The following GAS7 variants were observed in gnomAD, a reference collection of about 807,000 sequenced individuals.
GAS7 encodes growth arrest-specific protein 7.
Under a neutral mutation model 71.1 loss-of-function variants are expected in GAS7, and 28 were observed. The ratio of observed to expected loss-of-function variants is 0.39; its 90% CI spans 0.29 to 0.54. The LOEUF is 0.54. Among genes scored for constraint, GAS7 ranks in the 20% least tolerant of loss-of-function variants. The pLI, the probability that GAS7 is intolerant of heterozygous loss-of-function variation, is 0.62. For missense variants in GAS7, 436 were observed against 627.8 expected (o/e 0.69, Z 3.27); for synonymous variants, 258 against 245.8 (o/e 1.05, Z -0.46).
chr17:10,077,020 TA>T (rs2073402160), intron 1 of GAS7, among the ~76,000 whole-genome samples: 1 of 152,222 alleles, frequency 6.6e-6, no homozygotes, highest in South Asian at 2.1e-4. Context: ...TCACTCTATC[TA>T]AAAAGTATAA....
chr17:10,045,416 G>GC (rs1473822209), intron 1 of GAS7, among the ~76,000 whole-genome samples: 1 of 152,136 alleles, frequency 6.6e-6, no homozygotes, highest in Non-Finnish European at 1.5e-5. Context: ...CCTAGTATTG[G>GC]CCGGGTGTGG....
At chr17:10,033,425 T>C (rs562586990) in intron 1 of GAS7, among the ~76,000 whole-genome samples, 1 of 152,308 alleles carries the variant, frequency 6.6e-6, no homozygotes, top group East Asian at 1.9e-4. Context: ...TTTTGGGCAC[T>C]TTCTAGACTT....
At chr17:10,127,339 C>A (rs1291964020) in intron 1 of GAS7, among the ~76,000 whole-genome samples, 1 of 152,138 alleles carries the variant, frequency 6.6e-6, no homozygotes, top group Non-Finnish European at 1.5e-5. Context: ...TTTTGCACAG[C>A]CTGCTGTGTA....
intron 1 of GAS7, among the ~76,000 whole-genome samples, chr17:10,163,443 A>T (rs951774991): frequency 1.7e-4 from 25 of 147,440 alleles, no homozygotes; most frequent in South Asian, 4.2e-4. Context: ...TTTTAATTTA[A>T]AAAAAAAAAA....
intron 1 of GAS7, among the ~76,000 whole-genome samples, chr17:10,169,689 C>T (rs1445602285): frequency 1.3e-5 from 2 of 152,098 alleles, no homozygotes; most frequent in Non-Finnish European, 2.9e-5. Flanking sequence ...ATTTGGGGTG[C>T]CTCCAGGCCC....
chr17:10,025,337 C>G (rs1158379745), intron 1 of GAS7, among the ~76,000 whole-genome samples: 1 of 152,024 alleles, frequency 6.6e-6, no homozygotes, highest in East Asian at 1.9e-4. Flanking sequence ...CCAGCTACAC[C>G]TACTCAGCTC....
chr17:9,943,053 G>C (rs539789446), intron 7 of GAS7, 68 bp downstream of exon 7: 1 of 984,680 alleles, frequency 1.0e-6, no homozygotes, highest in Non-Finnish European at 1.6e-6. Flanking sequence ...CTGTCGCCCC[G>C]CCCCGGCCAC....
At chr17:10,060,017 TCCCC>T (rs1175884057) in intron 1 of GAS7, among the ~76,000 whole-genome samples, 1 of 152,048 alleles carries the variant, frequency 6.6e-6, no homozygotes, top group Non-Finnish European at 1.5e-5. Context: ...AACCTCCACC[TCCCC>T]ATTAGGTCAC....
At position 10,048,119 on chromosome 17, in the gene GAS7, T is replaced by C. The variant is rs149112359; in HGVS notation, c.184-28222A>G. Among the ~76,000 whole-genome samples the C allele has an allele frequency of 5.3e-3, 801 of 152,254 alleles. 21 individuals carry two copies. The East Asian group carries it at 0.1, about 19-fold the overall frequency. On this transcript the variant is annotated intron_variant, in intron 1 of 13. Coordinates refer to ENST00000432992, the MANE Select transcript of GAS7 (RefSeq NM_201433.2). ...GAGTTCAAGGCTAGCCTGGTGAACA[T>C]GGTGAAACCCTGTCTCTACTAAAAA...
chr17:10,196,796 G>A (rs542092624), intron 1 of GAS7, among the ~76,000 whole-genome samples: 4 of 152,300 alleles, frequency 2.6e-5, no homozygotes, highest in South Asian at 2.1e-4. Flanking sequence ...CTAGAAACAA[G>A]GAGGCCCCTT....
intron 11 of GAS7, among the ~76,000 whole-genome samples, chr17:9,925,250 C>A (rs1018518681): frequency 6.6e-6 from 1 of 152,212 alleles, no homozygotes; most frequent in Admixed American, 6.5e-5. Context: ...CAGAACTAGC[C>A]CGGCCTGTGT....
chr17:10,058,251 T>TAAAAAA (rs1296714039), intron 1 of GAS7, among the ~76,000 whole-genome samples: 2 of 151,514 alleles, frequency 1.3e-5, no homozygotes, highest in African/African-American at 4.9e-5. Flanking sequence ...CAATAAATAC[T>TAAAAAA]AAAAACAAAA....
intron 1 of GAS7, among the ~76,000 whole-genome samples, chr17:10,139,509 G>A (rs1335863189): frequency 6.6e-6 from 1 of 152,148 alleles, no homozygotes; most frequent in Non-Finnish European, 1.5e-5. Context: ...TCTGCAATTT[G>A]TATTATTATT....
chr17:10,085,111 T>C (rs1173383971), intron 1 of GAS7, among the ~76,000 whole-genome samples: 5 of 152,226 alleles, frequency 3.3e-5, no homozygotes, highest in Non-Finnish European at 7.3e-5. Flanking sequence ...TCTATCTGTT[T>C]TCAGGAGGTT....
At chr17:10,185,850 T>G (rs933239049) in intron 1 of GAS7, among the ~76,000 whole-genome samples, 2 of 152,000 alleles carry the variant, frequency 1.3e-5, no homozygotes, top group African/African-American at 4.8e-5. Flanking sequence ...AAGTGTCTGG[T>G]GCTGTGTGAG....
chr17:9,936,397 C>T (rs1216150712), intron 8 of GAS7, among the ~76,000 whole-genome samples: 2 of 152,170 alleles, frequency 1.3e-5, no homozygotes. Flanking sequence ...GAGCACATGG[C>T]AGGTAAATGG....
chr17:10,179,003 T>C (rs558019736), intron 1 of GAS7, among the ~76,000 whole-genome samples: 42 of 152,024 alleles, frequency 2.8e-4, no homozygotes, highest in African/African-American at 9.2e-4. Context: ...AGAGAACCAA[T>C]GTCCCCTCTG....
At chr17:10,170,304 G>A (rs2074326858) in intron 1 of GAS7, among the ~76,000 whole-genome samples, 1 of 152,010 alleles carries the variant, frequency 6.6e-6, no homozygotes, top group Non-Finnish European at 1.5e-5. Context: ...AAGCCCTCGT[G>A]CTTTGGCCCC....
chr17:9,935,796 A>G (rs976477149), intron 8 of GAS7, among the ~76,000 whole-genome samples: 7 of 152,236 alleles, frequency 4.6e-5, no homozygotes, highest in Admixed American at 4.6e-4. Context: ...GCACTGGAGT[A>G]TGAAACGGGG....
Sources: allele counts gnomAD v4.1 joint callset (sites outside exome capture counted in the v4.1 genomes callset), GRCh38; gene constraint gnomAD v4.1.1; transcripts MANE v1.5; gene names NCBI Gene and HGNC (gene_info 2026-07-23, HGNC 2026-07-21).